The following SLC35A3 variants were observed in gnomAD, a reference collection of about 807,000 sequenced individuals.
SLC35A3 encodes the protein UDP-N-acetylglucosamine transporter.
In SLC35A3, 26 loss-of-function variants were observed where a neutral mutation model predicts 39.0. The observed-to-expected ratio is 0.67, with a 90% CI of 0.49 to 0.92. The LOEUF (loss-of-function observed/expected upper bound fraction) is 0.92, where lower values mean the gene tolerates loss of function less well. Ranked by LOEUF, SLC35A3 falls within the 40% of genes least tolerant of loss-of-function variation. The probability of loss-of-function intolerance (pLI) is 0.00; values close to 1 mark genes in which losing one functional copy is unlikely to be tolerated. For synonymous variants in SLC35A3, 135 were observed against 133.1 expected (o/e 1.01, Z -0.10); for missense variants, 299 against 371.6 (o/e 0.80, Z 1.61).
intron 4 of SLC35A3, among the ~76,000 whole-genome samples, chr1:100,010,237 T>G (rs544098685): frequency 2.6e-5 from 4 of 152,276 alleles, no homozygotes; most frequent in African/African-American, 9.6e-5. Flanking sequence ...GAGCAGGTTG[T>G]TTCAAGAGGT....
chr1:100,004,040 G>C (rs982444301), intron 3 of SLC35A3, among the ~76,000 whole-genome samples: 2 of 152,122 alleles, frequency 1.3e-5, no homozygotes, highest in African/African-American at 2.4e-5. Flanking sequence ...GTAGTGTGTA[G>C]TTAACATATG....
At chr1:99,970,378 C>T (rs1656729370) in intron 1 of SLC35A3, 1 of 597,220 alleles carries the variant, frequency 1.7e-6, no homozygotes, top group Non-Finnish European at 3.0e-6. Context: ...CTCCGACGGA[C>T]GACGTGCGGA....
rs763239934 is a variant in SLC35A3, at chr1:99,999,359, C to G, written c.286C>G (p.Leu96Val). The change falls in exon 3 of 8, where the codon CTT becomes GTT. Residue 96 changes from leucine to valine, a missense_variant. Coordinates refer to ENST00000533028, the MANE Select transcript of SLC35A3 (RefSeq NM_012243.3). The part of the protein sequence containing the change: ...KLAIPSGIYT[L>V]QNNLLYVALS... ...TGCTATTCCATCAGGGATCTATACTCTTCAGAATAATTTACTGTATGTGGC... is the reference window on the plus strand; with the variant it reads ...TGCTATTCCATCAGGGATCTATACTGTTCAGAATAATTTACTGTATGTGGC... 1.3e-6 allele frequency: 2 copies of G among 1,597,606 alleles called. No homozygotes were observed. Among genetic ancestry groups the G allele is most frequent in the Admixed American group, 3.5e-5 (2 of 56,912 alleles).
chr1:99,981,924 C>T lies in SLC35A3; in HGVS notation c.-18-11613C>T, dbSNP rs143620637. Among the ~76,000 whole-genome samples, 545 of 151,902 alleles carry T rather than the reference C, an allele frequency of 3.6e-3. 3 individuals are homozygous for T. The highest frequency in any genetic ancestry group is 0.012 in the African/African-American group (503 of 41,408). ...TACACAGACTGAGAAAGTATACAGA[C>T]TATACGTTGGTGAGCCACTGGAAAT... On this transcript the variant is annotated intron_variant, in intron 1 of 7. Coordinates refer to ENST00000533028, the MANE Select transcript of SLC35A3 (RefSeq NM_012243.3).
intron 2 of SLC35A3, 28 bp downstream of exon 2, chr1:99,993,769 T>A (rs1293495272): frequency 6.3e-7 from 1 of 1,592,486 alleles, no homozygotes; most frequent in Admixed American, 1.7e-5. Context: ...TTGTTTTTAA[T>A]CAATGCAATT....
intron 1 of SLC35A3, among the ~76,000 whole-genome samples, chr1:99,990,577 T>A (rs541843242): frequency 2.4e-4 from 36 of 152,028 alleles, no homozygotes; most frequent in Non-Finnish European, 4.6e-4. Context: ...TCTCAAAAAA[T>A]AAATAAATAA....
chr1:99,990,402 C>T (rs538452835), intron 1 of SLC35A3, among the ~76,000 whole-genome samples: 19 of 151,974 alleles, frequency 1.3e-4, no homozygotes, highest in African/African-American at 3.4e-4. Context: ...GGTGAAACCC[C>T]GTCTCTACTA....
chr1:100,022,380 A>G lies in SLC35A3; in HGVS notation c.888-6A>G, dbSNP rs911464311. 1.2e-5 allele frequency: 17 copies of G among 1,477,510 alleles called. No individual in the cohort carries two copies. Among genetic ancestry groups the G allele is most frequent in the Non-Finnish European group, 1.6e-5 (17 of 1,061,396 alleles). 91.5% of individuals were successfully genotyped at this position (1,477,510 alleles called of 1,614,324 possible). A position where few individuals can be genotyped will look rare whatever the true frequency, so the allele number is the denominator to read the frequency against. ...CTCTTTTTTATTTTGTCTTCATCTT[A>G]TTCAGTGTCTTTTTCCTTGGAGCCA... On this transcript the variant is annotated splice_polypyrimidine_tract_variant and splice_region_variant and intron_variant, in intron 7 of 7. Coordinates refer to ENST00000533028, the MANE Select transcript of SLC35A3 (RefSeq NM_012243.3).
chr1:99,987,357 A>G (rs72965763), intron 1 of SLC35A3, among the ~76,000 whole-genome samples: 4,913 of 152,298 alleles, frequency 0.032, 283 homozygotes, highest in African/African-American at 0.11. Context: ...TTGATCCTCT[A>G]TTTGTAACAG....
intron 2 of SLC35A3, among the ~76,000 whole-genome samples, chr1:99,996,823 T>G (rs989566473): frequency 6.6e-6 from 1 of 152,154 alleles, no homozygotes; most frequent in Non-Finnish European, 1.5e-5. Flanking sequence ...ACTATTATTT[T>G]GGGTTGAGGA....
chr1:99,996,694 G>A (rs1470491834), intron 2 of SLC35A3, among the ~76,000 whole-genome samples: 1 of 152,028 alleles, frequency 6.6e-6, no homozygotes, highest in Non-Finnish European at 1.5e-5. Flanking sequence ...GCAACATAGC[G>A]AGGCCCTCAT....
At position 99,999,247 on chromosome 1, in the gene SLC35A3, ATAT is replaced by A; in HGVS notation, c.188-9_188-7del. On this transcript the variant is annotated splice_polypyrimidine_tract_variant and intron_variant, in intron 2 of 7. Transcript: ENST00000533028. ...AGTTACTTAATTACTGATTTTTCTC[ATAT>A]TATTTTCTAGAATGTAGTCTAAGAG... is the stretch of plus-strand genomic sequence containing the variant. 1 of 1,473,888 alleles carries A rather than the reference ATAT, an allele frequency of 6.8e-7. No individual in the cohort carries two copies. The highest frequency in any genetic ancestry group is 9.1e-7 in the Non-Finnish European group (1 of 1,101,146). The allele number at this position is 1,473,888 out of a possible 1,614,324, so 91.3% of individuals were successfully genotyped here. A position where few individuals can be genotyped will look rare whatever the true frequency, so the allele number is the denominator to read the frequency against.
At chr1:99,977,995 T>C (rs1657222310) in intron 1 of SLC35A3, among the ~76,000 whole-genome samples, 2 of 152,222 alleles carry the variant, frequency 1.3e-5, no homozygotes, top group African/African-American at 4.8e-5. Flanking sequence ...ATACATGCAG[T>C]ATATCTGAGA....
chr1:99,994,381 A>T (rs1046687002), intron 2 of SLC35A3, among the ~76,000 whole-genome samples: 5 of 141,450 alleles, frequency 3.5e-5, no homozygotes, highest in Non-Finnish European at 6.2e-5. Context: ...TAAAATTTTT[A>T]ATCTAAATTT....
In SLC35A3 at chr1:100,011,481, G is replaced by C; in HGVS notation, c.582G>C (p.Glu194Asp). Residue 194 changes from glutamate to aspartate, a missense_variant, in exon 5 of 8, where the codon GAG becomes GAC. Physicochemically the swap from Glu to Asp is conservative, Grantham distance 45. Coordinates refer to ENST00000533028, the MANE Select transcript of SLC35A3 (RefSeq NM_012243.3). ...FSSGFAGVYF[E>D]KILKETKQSV... ...GTGGCTTTGCTGGGGTTTACTTTGA[G>C]AAAATCTTAAAAGAAACAAAACAAT... 6.4e-7 allele frequency: 1 copy of C among 1,567,738 alleles called. No individual in the cohort carries two copies. The highest frequency in any genetic ancestry group is 8.7e-7 in the Non-Finnish European group (1 of 1,148,394).
At chr1:100,003,603 A>C (rs566388209) in intron 3 of SLC35A3, among the ~76,000 whole-genome samples, 2 of 152,222 alleles carry the variant, frequency 1.3e-5, no homozygotes, top group African/African-American at 4.8e-5. Flanking sequence ...CTGTTAGATG[A>C]AGTGTTTTGT....
At position 100,029,717 on chromosome 1, in the gene SLC35A3, C is replaced by T. The variant is rs937328770; in HGVS notation, c.*7241C>T. The T allele has an allele frequency of 6.6e-6, 1 of 152,202 alleles. No individual in the cohort carries two copies. Among genetic ancestry groups the T allele is most frequent in the African/African-American group, 2.4e-5 (1 of 41,446 alleles). The allele number at this position is 152,202 out of a possible 1,614,324, so 9.4% of individuals were successfully genotyped here. ...AAGTGCTGGGATTACAGGCATGAGC[C>T]ATCACACCCAGCCCAGAGACTTTTA... On this transcript the variant is annotated 3_prime_UTR_variant, in exon 8 of 8. Coordinates refer to ENST00000533028, the MANE Select transcript of SLC35A3 (RefSeq NM_012243.3).
chr1:99,975,189 C>T (rs2101023595), intron 1 of SLC35A3: 1 of 152,330 alleles, frequency 6.6e-6, no homozygotes, highest in East Asian at 1.9e-4. Flanking sequence ...GATCTGCCCA[C>T]CTAAGCCTCC....
Position 100,031,293 on chromosome 1 carries a change from C to T in SLC35A3, c.*8817C>T, listed in dbSNP as rs1023173455. On this transcript the variant is annotated 3_prime_UTR_variant, in exon 8 of 8. Coordinates refer to ENST00000533028, the MANE Select transcript of SLC35A3 (RefSeq NM_012243.3). The stretch of plus-strand genomic sequence containing the variant: ...CAAAAAAATTGAAAAATTGGTATAC[C>T]ACCTAAATCCAACCATTATTAACAT... 1 of 152,032 alleles carries T rather than the reference C, an allele frequency of 6.6e-6. No individual in the cohort carries two copies. The highest frequency in any genetic ancestry group is 6.6e-5 in the Admixed American group (1 of 15,246). The allele number at this position is 152,032 out of a possible 1,614,324, so 9.4% of individuals were successfully genotyped here.
Sources: gnomAD v4.1 joint callset for allele counts (sites outside exome capture counted in the v4.1 genomes callset) on GRCh38, gnomAD v4.1.1 for gene constraint, MANE v1.5 for transcripts, NCBI Gene and HGNC (gene_info 2026-07-23, HGNC 2026-07-21) for gene names.